NDEL1: variants seen among roughly 807,000 people sequenced by gnomAD.
NDEL1 encodes nudE neurodevelopment protein 1 like 1.
A neutral mutation model predicts 45.7 loss-of-function variants in NDEL1; 9 were observed. The observed-to-expected ratio is 0.20, with a 90% confidence interval of 0.12 to 0.34. NDEL1 has a LOEUF of 0.34. Ranked by LOEUF, NDEL1 falls within the 10% of genes least tolerant of loss-of-function variation. NDEL1 has a pLI of 1.00. For synonymous variants in NDEL1, 133 were observed against 158.6 expected, an observed-to-expected ratio of 0.84 and a Z score of 1.21; for missense variants, 306 against 406.2, an observed-to-expected ratio of 0.75 and a Z score of 2.12.
Position 8,424,595 on chromosome 17 carries a change from G to A in NDEL1, c.-13+11326G>A, listed in dbSNP as rs538064277. ...CAGCTCACAGGAAGCACCGCCTCCC[G>A]GGTTCACGCCATTCTCCTGCCTCAG... is the stretch of plus-strand genomic sequence containing the variant. On this transcript the variant is annotated intron_variant, in intron 1 of 4. Transcript: ENST00000582812. Among the ~76,000 whole-genome samples, 42 of 152,254 alleles carry A rather than the reference G, an allele frequency of 2.8e-4. No homozygotes were observed. In the Middle Eastern group the frequency reaches 0.01, roughly 37 times the overall value.
At chr17:8,418,908 G>C (rs889221261) in intron 1 of NDEL1, among the ~76,000 whole-genome samples, 2 of 151,252 alleles carry the variant, frequency 1.3e-5, no homozygotes, top group African/African-American at 4.9e-5. Context: ...GAGTGCAGTG[G>C]TGTGATCACG....
At chr17:8,447,979 G>A (rs1467165331) in intron 4 of NDEL1, among the ~76,000 whole-genome samples, 1 of 134,590 alleles carries the variant, frequency 7.4e-6, no homozygotes, top group Non-Finnish European at 1.6e-5. Context: ...GCGGGGAGGT[G>A]GGCGGGGGGG....
chr17:8,463,158 T>TC (rs1911328941), intron 8 of NDEL1: 1 of 544,146 alleles, frequency 1.8e-6, no homozygotes, highest in East Asian at 3.2e-5. Context: ...CTCTTTTTTT[T>TC]CCCATAACTT....
At chr17:8,437,958 A>G (rs973819937) in intron 1 of NDEL1, among the ~76,000 whole-genome samples, 1 of 151,750 alleles carries the variant, frequency 6.6e-6, no homozygotes, top group Non-Finnish European at 1.5e-5. Flanking sequence ...CGGGCAGAGA[A>G]TAATAATTTT....
At chr17:8,414,636 T>A (rs537655226) in intron 1 of NDEL1, among the ~76,000 whole-genome samples, 1 of 151,982 alleles carries the variant, frequency 6.6e-6, no homozygotes, top group Admixed American at 6.6e-5. Context: ...CACTGCACTC[T>A]AGCCTGGACG....
At chr17:8,450,730 A>G (rs766368236) in intron 5 of NDEL1, 50 bp from the exon 6 acceptor site, 27 of 1,504,116 alleles carry the variant, frequency 1.8e-5, no homozygotes, top group Non-Finnish European at 2.4e-5. Flanking sequence ...TGCTTGATAT[A>G]TTTGCTCCCT....
intron 1 of NDEL1, among the ~76,000 whole-genome samples, chr17:8,424,373 C>T (rs943466612): frequency 5.0e-4 from 76 of 152,346 alleles, no homozygotes; most frequent in African/African-American, 1.7e-3. Context: ...TTTTGCTAAA[C>T]AATGCTTTGA....
downstream of NDEL1, among the ~76,000 whole-genome samples, chr17:8,469,231 T>G (rs6503119): frequency 6.6e-6 from 1 of 152,090 alleles, no homozygotes; most frequent in Non-Finnish European, 1.5e-5. Context: ...CAACTTCATC[T>G]TCTTTCCCAG....
At chr17:8,440,256 G>A (rs941713270) in intron 1 of NDEL1, among the ~76,000 whole-genome samples, 4 of 152,144 alleles carry the variant, frequency 2.6e-5, no homozygotes, top group Non-Finnish European at 5.9e-5. Context: ...GGTGGCTCAT[G>A]CCTGTAATCC....
chr17:8,467,230 C>A lies in NDEL1; in HGVS notation c.*207C>A. On this transcript the variant is annotated 3_prime_UTR_variant, in exon 9 of 9. Transcript: ENST00000334527. The surrounding 1 kb of genome is among the most constrained non-coding windows in gnomAD (Gnocchi z 6.3). Reference sequence around the variant, plus strand: ...ATCAATACTGGCTATTTTCTCTTCTCGCCGTAGTGCCGTTGGTTTCACATG... The same window carrying A: ...ATCAATACTGGCTATTTTCTCTTCTAGCCGTAGTGCCGTTGGTTTCACATG... 1 of 594,242 alleles carries A rather than the reference C, an allele frequency of 1.7e-6. No individual in the cohort carries two copies. The highest frequency in any genetic ancestry group is 3.0e-6 in the Non-Finnish European group (1 of 335,024). 36.8% of individuals were successfully genotyped at this position (594,242 alleles called of 1,614,324 possible). A position where few individuals can be genotyped will look rare whatever the true frequency, so the allele number is the denominator to read the frequency against.
At chr17:8,462,911 G>C (rs1165401260) in intron 8 of NDEL1, 1 of 164,550 alleles carries the variant, frequency 6.1e-6, no homozygotes, top group Non-Finnish European at 1.3e-5. Context: ...ACCTTAACTG[G>C]GCGTATTGCT....
intron 7 of NDEL1, among the ~76,000 whole-genome samples, chr17:8,457,104 C>T (rs1206434000): frequency 6.6e-6 from 1 of 152,168 alleles, no homozygotes; most frequent in South Asian, 2.1e-4. Context: ...TTAAATATTT[C>T]GTATTGTAGC....
intron 1 of NDEL1, among the ~76,000 whole-genome samples, chr17:8,426,027 T>A (rs1432601491): frequency 1.3e-5 from 2 of 152,214 alleles, no homozygotes; most frequent in Non-Finnish European, 2.9e-5. Context: ...TGGCCTCAAG[T>A]GATCCTCCCA....
rs778974641 is a variant in NDEL1, at chr17:8,448,681, C to T, written c.521C>T (p.Ala174Val). 1 of 1,608,320 alleles carries T rather than the reference C, an allele frequency of 6.2e-7. No homozygotes were observed. Among genetic ancestry groups the T allele is most frequent in the Non-Finnish European group, 8.5e-7 (1 of 1,176,460 alleles). ...TCTGTACAGAGGTTAAAGGATGAAG[C>T]AAGAGGTAAAATTTATAACTTAAAG... Reference protein sequence around the residue: ...LVSVQRLKDEARDLRQELAVR... With the variant: ...LVSVQRLKDEVRDLRQELAVR... Residue 174 changes from alanine (A) to valine (V), a missense_variant, in exon 5 of 9, where the codon GCA (alanine) becomes GTA (valine). Transcript: ENST00000334527.
intron 5 of NDEL1, among the ~76,000 whole-genome samples, chr17:8,449,853 T>C (rs1218266297): frequency 1.3e-5 from 2 of 152,338 alleles, no homozygotes; most frequent in South Asian, 2.1e-4. Flanking sequence ...TGTCCAAATA[T>C]CTCTTTGAGA....
In NDEL1 at chr17:8,465,867, C is replaced by G. The variant is rs921511207; in HGVS notation, c.945-1063C>G. On this transcript the variant is annotated intron_variant, in intron 8 of 8. Transcript: ENST00000334527. The surrounding 1 kb of genome is among the most constrained non-coding windows in gnomAD (Gnocchi z 4.9). The stretch of plus-strand genomic sequence containing the variant: ...GTTCCAGGCTGCACACTCCCTCCCC[C>G]TCTTGCTGCTTCCTGTGGCTGCGCT... The G allele has an allele frequency of 1.3e-5, 2 of 152,460 alleles. No homozygotes were observed. The highest frequency in any genetic ancestry group is 3.8e-4 in the East Asian group (2 of 5,198). 9.4% of individuals were successfully genotyped at this position (152,460 alleles called of 1,614,324 possible).
At chr17:8,432,371 T>TATA (rs1491476100), upstream of NDEL1, among the ~76,000 whole-genome samples, 5 of 64,186 alleles carry the variant, frequency 7.8e-5, no homozygotes, top group Non-Finnish European at 1.4e-4. Context: ...TATATATATA[T>TATA]TTAATGGCAG....
intron 8 of NDEL1, among the ~76,000 whole-genome samples, chr17:8,461,944 G>A (rs1375981340): frequency 6.6e-6 from 1 of 152,066 alleles, no homozygotes; most frequent in Non-Finnish European, 1.5e-5. Context: ...TCACGAGGAG[G>A]GAAGGATAAC....
upstream of NDEL1, among the ~76,000 whole-genome samples, chr17:8,435,660 G>A (rs1351808397): frequency 6.6e-6 from 1 of 152,254 alleles, no homozygotes; most frequent in Non-Finnish European, 1.5e-5. Flanking sequence ...AGCAGTTTCA[G>A]GGAACTGCAC....
Sources: allele counts gnomAD v4.1 joint callset (sites outside exome capture counted in the v4.1 genomes callset), GRCh38; gene constraint gnomAD v4.1.1; non-coding constraint Gnocchi (gnomAD v3.1); transcripts MANE v1.5; gene names NCBI Gene and HGNC (gene_info 2026-07-23, HGNC 2026-07-21).